The following PPIG variants were observed in gnomAD, a reference collection of about 807,000 sequenced individuals.
PPIG encodes the protein peptidylprolyl isomerase G, also known as peptidyl-prolyl cis-trans isomerase G.
In PPIG, 26 loss-of-function variants were observed where a neutral mutation model predicts 87.9. That is an observed-to-expected ratio of 0.30 (90% confidence interval 0.22 to 0.41). The LOEUF is 0.41. Among genes scored for constraint, PPIG ranks in the 10% least tolerant of loss-of-function variants. The pLI is 1.00. For missense variants in PPIG, 722 were observed against 879.4 expected, an observed-to-expected ratio of 0.82 and a Z score of 2.26; for synonymous variants, 308 against 276.5, an observed-to-expected ratio of 1.11 and a Z score of -1.13.
intron 1 of PPIG, among the ~76,000 whole-genome samples, chr2:169,599,774 G>A (rs1685125500): frequency 6.6e-6 from 1 of 152,172 alleles, no homozygotes; most frequent in Admixed American, 6.5e-5. Flanking sequence ...TTAAGGTTCT[G>A]CAGTGAGTTG....
intron 1 of PPIG, among the ~76,000 whole-genome samples, chr2:169,594,667 C>G (rs1684971407): frequency 6.9e-6 from 1 of 145,194 alleles, no homozygotes; most frequent in Non-Finnish European, 1.5e-5. Flanking sequence ...CTCTGTCACC[C>G]AGGCTGGAGT....
At chr2:169,591,418 A>G (rs1574434061) in intron 1 of PPIG, among the ~76,000 whole-genome samples, 1 of 152,218 alleles carries the variant, frequency 6.6e-6, no homozygotes, top group South Asian at 2.1e-4. Flanking sequence ...ATTAAAAATA[A>G]CTTTAATCAC....
At chr2:169,587,691 C>G (rs78740435) in intron 1 of PPIG, among the ~76,000 whole-genome samples, 4,165 of 152,230 alleles carry the variant, frequency 0.027, 78 homozygotes, top group East Asian at 0.1. Flanking sequence ...TTACTACAGA[C>G]AGTATTCAGA....
At chr2:169,624,758 C>T (rs1316752527) in intron 9 of PPIG, among the ~76,000 whole-genome samples, 1 of 151,762 alleles carries the variant, frequency 6.6e-6, no homozygotes, top group Non-Finnish European at 1.5e-5. Flanking sequence ...CGGCTAATTT[C>T]TTTTTGTATT....
intron 7 of PPIG, among the ~76,000 whole-genome samples, chr2:169,611,453 T>C (rs890856980): frequency 1.4e-4 from 22 of 152,178 alleles, no homozygotes; most frequent in African/African-American, 5.3e-4. Context: ...TTAATCTTAT[T>C]TTGGGACATT....
At chr2:169,628,214 A>G (rs4667605) in intron 9 of PPIG, among the ~76,000 whole-genome samples, 90,639 of 151,948 alleles carry the variant, frequency 0.6, 27,691 homozygotes, top group African/African-American at 0.73. Flanking sequence ...GCATAGAGGC[A>G]CTGTCATGAT....
intron 4 of PPIG, 53 bp downstream of exon 4, chr2:169,604,314 GCTT>G: frequency 2.3e-6 from 2 of 882,818 alleles, no homozygotes; most frequent in Non-Finnish European, 3.4e-6. Context: ...ACTATGGCTT[GCTT>G]GCTTGCTTGG....
intron 6 of PPIG, among the ~76,000 whole-genome samples, chr2:169,608,120 G>A (rs1446945598): frequency 6.6e-6 from 1 of 152,122 alleles, no homozygotes; most frequent in Non-Finnish European, 1.5e-5. Context: ...AATATAAATG[G>A]AAAGGAAGGG....
intron 1 of PPIG, among the ~76,000 whole-genome samples, chr2:169,594,712 C>T (rs1407209173): frequency 4.6e-5 from 7 of 150,674 alleles, no homozygotes; most frequent in African/African-American, 1.7e-4. Context: ...GCAATCTCCA[C>T]CTCCTGGGTT....
intron 9 of PPIG, among the ~76,000 whole-genome samples, chr2:169,628,815 A>G (rs1685961332): frequency 6.6e-6 from 1 of 151,862 alleles, no homozygotes; most frequent in South Asian, 2.1e-4. Context: ...GCATGGTGGC[A>G]TACACCTGTG....
chr2:169,609,874 T>A (rs932697194), intron 7 of PPIG, among the ~76,000 whole-genome samples: 1 of 152,200 alleles, frequency 6.6e-6, no homozygotes, highest in African/African-American at 2.4e-5. Flanking sequence ...ACAGAGTATT[T>A]CTCCGTAAAT....
intron 2 of PPIG, among the ~76,000 whole-genome samples, 157 bp from the exon 3 acceptor site, chr2:169,603,869 A>G (rs576057844): frequency 2.4e-3 from 373 of 152,332 alleles, no homozygotes; most frequent in Non-Finnish European, 4.4e-3. Context: ...CTAAAAAGAA[A>G]GCACTAATAA....
At position 169,608,809 on chromosome 2, in the gene PPIG, A is replaced by G. The variant is rs149719366; in HGVS notation, c.377+51A>G. On this transcript the variant is annotated intron_variant, in intron 7 of 13. Coordinates refer to ENST00000260970, the MANE Select transcript of PPIG (RefSeq NM_004792.3). Reference sequence around the variant, plus strand: ...AAAACATCCCATTTTTGGGCCGGGCACGGTGGCTCATGCCTGTAATCCCAG... The same window carrying G: ...AAAACATCCCATTTTTGGGCCGGGCGCGGTGGCTCATGCCTGTAATCCCAG... The G allele has an allele frequency of 2.4e-5, 32 of 1,334,236 alleles. No individual in the cohort carries two copies. In the East Asian group the frequency reaches 7.8e-4, roughly 33 times the overall value. The allele number at this position is 1,334,236 out of a possible 1,614,324, so 82.6% of individuals were successfully genotyped here.
intron 12 of PPIG, among the ~76,000 whole-genome samples, chr2:169,634,641 T>C (rs1686138821): frequency 6.6e-6 from 1 of 152,196 alleles, no homozygotes; most frequent in Non-Finnish European, 1.5e-5. Flanking sequence ...CCAAGAATAA[T>C]CTGATTCTCC....
intron 4 of PPIG, among the ~76,000 whole-genome samples, chr2:169,605,019 G>A (rs1685285023): frequency 6.6e-6 from 1 of 151,862 alleles, no homozygotes. Context: ...CCAACATGGT[G>A]AAACCCCATC....
At chr2:169,611,923 A>T (rs192677174) in intron 7 of PPIG, among the ~76,000 whole-genome samples, 31 of 152,286 alleles carry the variant, frequency 2.0e-4, no homozygotes, top group Admixed American at 3.3e-4. Context: ...CATATAGAAG[A>T]TTTGCCATTT....
chr2:169,607,624 A>G (rs1346231215), intron 6 of PPIG, among the ~76,000 whole-genome samples: 1 of 152,220 alleles, frequency 6.6e-6, no homozygotes, highest in Non-Finnish European at 1.5e-5. Flanking sequence ...AAGCATATTT[A>G]ATGTGGAAAT....
At chr2:169,598,329 C>T (rs1032101472) in intron 1 of PPIG, among the ~76,000 whole-genome samples, 12 of 152,048 alleles carry the variant, frequency 7.9e-5, no homozygotes, top group Middle Eastern at 3.4e-3. Context: ...CTTGCTCTGT[C>T]GCCCAGGCTG....
intron 9 of PPIG, among the ~76,000 whole-genome samples, chr2:169,626,572 A>G (rs1685893225): frequency 1.3e-5 from 2 of 151,928 alleles, no homozygotes; most frequent in South Asian, 4.2e-4. Flanking sequence ...TTGTATTTTT[A>G]GTAGAGACGG....
Sources: gnomAD v4.1 joint callset for allele counts (sites outside exome capture counted in the v4.1 genomes callset) on GRCh38, gnomAD v4.1.1 for gene constraint, MANE v1.5 for transcripts, NCBI Gene and HGNC (gene_info 2026-07-23, HGNC 2026-07-21) for gene names.